The following TINAG variants were observed in gnomAD, a reference collection of about 807,000 sequenced individuals.
TINAG encodes tubulointerstitial nephritis antigen.
A neutral mutation model predicts 72.7 loss-of-function variants in TINAG; 83 were observed. The observed-to-expected ratio is 1.14, with a 90% CI of 0.96 to 1.37. The LOEUF is 1.37. Among genes scored for constraint, TINAG ranks in the 40% most tolerant of loss-of-function variants. The pLI is 0.00. For synonymous variants in TINAG, 234 were observed against 189.9 expected (o/e 1.23, Z -1.91); for missense variants, 685 against 576.6 (o/e 1.19, Z -1.93).
Position 54,310,483 on chromosome 6 carries a change from TTTCTTTCTTTTC to T in TINAG, c.355+1589_355+1600del, listed in dbSNP as rs1454375052. ...TCTCCCTCCTTTCTCCCTCCCTCTC[TTTCTTTCTTTTC>T]TTCTTTCTTTCTCTTTCTTTCTTTT... On this transcript the variant is annotated intron_variant, in intron 1 of 10. Coordinates refer to ENST00000259782, the MANE Select transcript of TINAG (RefSeq NM_014464.4). 4.2e-5 allele frequency among the ~76,000 whole-genome samples: 4 copies of T among 95,178 alleles called. No individual in the cohort carries two copies. In the East Asian group the frequency reaches 1.1e-3, roughly 26 times the overall value. The allele number at this position is 95,178 out of a possible 152,430, so 62.4% of individuals were successfully genotyped here. A position where few individuals can be genotyped will look rare whatever the true frequency, so the allele number is the denominator to read the frequency against.
chr6:54,317,530 G>A (rs963764235), intron 1 of TINAG, among the ~76,000 whole-genome samples: 5 of 151,976 alleles, frequency 3.3e-5, no homozygotes, highest in Non-Finnish European at 4.4e-5. Context: ...CTCTTCCTTC[G>A]TCTTTTGCAA....
At chr6:54,345,405 C>G (rs1197886598) in intron 5 of TINAG, among the ~76,000 whole-genome samples, 1 of 152,012 alleles carries the variant, frequency 6.6e-6, no homozygotes, top group Non-Finnish European at 1.5e-5. Context: ...ATTCAAGCCT[C>G]CAGTATTATA....
intron 9 of TINAG, among the ~76,000 whole-genome samples, chr6:54,371,755 T>C (rs1230705497): frequency 6.6e-6 from 1 of 151,930 alleles, no homozygotes; most frequent in Non-Finnish European, 1.5e-5. Context: ...GGTAGGAATT[T>C]GGTCATTTAC....
intron 9 of TINAG, among the ~76,000 whole-genome samples, chr6:54,375,272 T>TTTTTTCCAAAACAA (rs1410649321): frequency 1.3e-5 from 2 of 152,148 alleles, no homozygotes; most frequent in Non-Finnish European, 2.9e-5. Flanking sequence ...TTTTGGAAAT[T>TTTTTTCCAAAACAA]AGTTTTTCTT....
chr6:54,359,559 C>T lies in TINAG; in HGVS notation c.1250+4923C>T, dbSNP rs189990821. On this transcript the variant is annotated intron_variant, in intron 9 of 10. Coordinates refer to ENST00000259782, the MANE Select transcript of TINAG (RefSeq NM_014464.4). Reference sequence around the variant, plus strand: ...TTTGAACAAGATGTAAATGTGTTTACATTTAATCCTCTATCATTGTGTATT... The same window carrying T: ...TTTGAACAAGATGTAAATGTGTTTATATTTAATCCTCTATCATTGTGTATT... Among the ~76,000 whole-genome samples the T allele has an allele frequency of 1.0e-3, 153 of 151,854 alleles. 1 individual carries two copies. The highest frequency in any genetic ancestry group is 1.6e-4 in the Non-Finnish European group (11 of 67,822).
At chr6:54,345,174 G>A (rs1446034655) in intron 5 of TINAG, among the ~76,000 whole-genome samples, 3 of 152,182 alleles carry the variant, frequency 2.0e-5, no homozygotes, top group East Asian at 3.9e-4. Flanking sequence ...TCCAGTGAGA[G>A]TTTTTAAGAA....
At chr6:54,361,385 C>T (rs1392668699) in intron 9 of TINAG, among the ~76,000 whole-genome samples, 1 of 151,552 alleles carries the variant, frequency 6.6e-6, no homozygotes, top group Non-Finnish European at 1.5e-5. Context: ...GGAGAGGTTT[C>T]AGGAAACTTA....
At chr6:54,327,718 C>A (rs1432928416) in intron 4 of TINAG, among the ~76,000 whole-genome samples, 1 of 152,174 alleles carries the variant, frequency 6.6e-6, no homozygotes, top group African/African-American at 2.4e-5. Flanking sequence ...GACATTCTCA[C>A]TGCCAGCACA....
At chr6:54,383,434 A>G (rs1764008218) in intron 10 of TINAG, among the ~76,000 whole-genome samples, 1 of 152,150 alleles carries the variant, frequency 6.6e-6, no homozygotes, top group South Asian at 2.1e-4. Flanking sequence ...GCAGCAAGCC[A>G]TAAATTCTAC....
In TINAG at chr6:54,308,819, A is replaced by T; in HGVS notation, c.269A>T (p.Glu90Val). The change falls in exon 1 of 11, where the codon GAA becomes GTA. Residue 90 changes from glutamate to valine, a missense_variant. Physicochemically the swap from Glu to Val is moderately radical, Grantham distance 121 (BLOSUM62 -2). Coordinates refer to ENST00000259782, the MANE Select transcript of TINAG (RefSeq NM_014464.4). ...TACTGTGATAAATTCTGTGACAGAGAAAATTCTGATTGCTGTCCTGACTAC... is the reference window on the plus strand; with the variant it reads ...TACTGTGATAAATTCTGTGACAGAGTAAATTCTGATTGCTGTCCTGACTAC... Reference protein sequence around the residue: ...LCYCDKFCDRENSDCCPDYKS... With the variant: ...LCYCDKFCDRVNSDCCPDYKS... 1 of 1,613,868 alleles carries T rather than the reference A, an allele frequency of 6.2e-7. No individual in the cohort carries two copies. Among genetic ancestry groups the T allele is most frequent in the South Asian group, 1.1e-5 (1 of 91,090 alleles).
At chr6:54,366,512 T>C (rs1019219776) in intron 9 of TINAG, among the ~76,000 whole-genome samples, 6 of 151,356 alleles carry the variant, frequency 4.0e-5, no homozygotes, top group South Asian at 2.1e-4. Context: ...ATAATACATG[T>C]CAAGTACCAT....
At chr6:54,371,270 C>T (rs973077930) in intron 9 of TINAG, among the ~76,000 whole-genome samples, 9 of 151,922 alleles carry the variant, frequency 5.9e-5, no homozygotes. Flanking sequence ...GTTCTGTCCT[C>T]GCTGGGTGAT....
chr6:54,360,502 T>A (rs1763193374), intron 9 of TINAG, among the ~76,000 whole-genome samples: 1 of 151,622 alleles, frequency 6.6e-6, no homozygotes. Flanking sequence ...CACCCAATAT[T>A]CTCCATATTA....
At chr6:54,354,142 T>C (rs1361059563) in intron 8 of TINAG, among the ~76,000 whole-genome samples, 1 of 151,876 alleles carries the variant, frequency 6.6e-6, no homozygotes, top group Non-Finnish European at 1.5e-5. Flanking sequence ...GCTAGCTTAA[T>C]TGGGGTTTTA....
At chr6:54,351,288 C>G in intron 7 of TINAG, 64 bp from the exon 8 acceptor site, 1 of 1,414,160 alleles carries the variant, frequency 7.1e-7, no homozygotes. Flanking sequence ...ACATTGTACA[C>G]CAATCAATGG....
chr6:54,339,750 C>T (rs2150951995), intron 4 of TINAG, among the ~76,000 whole-genome samples: 1 of 152,294 alleles, frequency 6.6e-6, no homozygotes, highest in Non-Finnish European at 1.5e-5. Context: ...GCCTTTTCAT[C>T]CCCAGTATCA....
chr6:54,343,472 C>A (rs1303551409), intron 5 of TINAG, 123 bp downstream of exon 5: 9 of 989,012 alleles, frequency 9.1e-6, no homozygotes, highest in African/African-American at 3.4e-5. Flanking sequence ...CAAATAAAAT[C>A]TCATTATGAT....
chr6:54,368,465 A>G (rs953514907), intron 9 of TINAG, among the ~76,000 whole-genome samples: 16 of 150,526 alleles, frequency 1.1e-4, no homozygotes, highest in Admixed American at 4.0e-4. Flanking sequence ...GTGAAGATCT[A>G]ATTTTTTTCT....
chr6:54,359,429 A>G (rs906886124), intron 9 of TINAG, among the ~76,000 whole-genome samples: 4 of 151,756 alleles, frequency 2.6e-5, no homozygotes, highest in Non-Finnish European at 5.9e-5. Context: ...CACTGTTTGG[A>G]GCCTCCTTTG....
Sources: allele counts gnomAD v4.1 joint callset (sites outside exome capture counted in the v4.1 genomes callset), GRCh38; gene constraint gnomAD v4.1.1; transcripts MANE v1.5; gene names NCBI Gene and HGNC (gene_info 2026-07-23, HGNC 2026-07-21).